Variants in NLRP11 observed in about 807,000 individuals in gnomAD.
NLRP11 encodes NACHT, LRR and PYD domains-containing protein 11.
In NLRP11, 53 loss-of-function variants were observed where a neutral mutation model predicts 79.3. That is an observed-to-expected ratio of 0.67 (90% confidence interval 0.54 to 0.84). The LOEUF (loss-of-function observed/expected upper bound fraction) is 0.84, where lower values mean the gene tolerates loss of function less well. Among genes scored for constraint, NLRP11 ranks in the 40% least tolerant of loss-of-function variants. NLRP11 has a pLI of 0.00. For synonymous variants in NLRP11, 518 were observed against 462.6 expected, an observed-to-expected ratio of 1.12 and a Z score of -1.54; for missense variants, 1,264 against 1,255.0, an observed-to-expected ratio of 1.01 and a Z score of -0.11.
Position 55,792,292 on chromosome 19 carries a change from G to T in NLRP11, c.2513+9C>A. On this transcript the variant is annotated intron_variant, in intron 7 of 9. Coordinates refer to ENST00000589093, the Ensembl canonical transcript of NLRP11. The stretch of plus-strand genomic sequence containing the variant: ...ACACAGTCATCCAGGACAACTGTGG[G>T]AGACTTACTGAAGCTCCTCTAACTG... 6.2e-7 allele frequency: 1 copy of T among 1,612,286 alleles called. No homozygotes were observed. Among genetic ancestry groups the T allele is most frequent in the Non-Finnish European group, 8.5e-7 (1 of 1,178,514 alleles).
chr19:55,814,652 A>G (rs1980911874), intron 2 of NLRP11, among the ~76,000 whole-genome samples: 1 of 152,250 alleles, frequency 6.6e-6, no homozygotes, highest in Admixed American at 6.5e-5. Flanking sequence ...ATGTCAAGGT[A>G]CTTAAAGTGT....
chr19:55,835,773 A>G (rs373306457), upstream of NLRP11, among the ~76,000 whole-genome samples: 6 of 149,538 alleles, frequency 4.0e-5, no homozygotes, highest in African/African-American at 1.2e-4. Context: ...ACTTGAGGTC[A>G]AGGGTTCGAG....
intron 1 of NLRP11, among the ~76,000 whole-genome samples, chr19:55,829,796 A>C (rs1033911563): frequency 2.0e-5 from 3 of 152,196 alleles, no homozygotes; most frequent in Non-Finnish European, 4.4e-5. Flanking sequence ...AGGGAAATAC[A>C]GTTGACTCCT....
upstream of NLRP11, chr19:55,836,405 C>A (rs1035973687): frequency 6.6e-6 from 1 of 152,100 alleles, no homozygotes; most frequent in African/African-American, 2.4e-5. Context: ...CCTCAAGGGG[C>A]GGTGGGCGTT....
At chr19:55,791,640 A>G (rs753165643) in intron 7 of NLRP11, among the ~76,000 whole-genome samples, 2 of 152,262 alleles carry the variant, frequency 1.3e-5, no homozygotes, top group African/African-American at 4.8e-5. Context: ...GAGAGTTCAA[A>G]TTAAACAACT....
At chr19:55,801,350 A>G (rs536858694) in intron 5 of NLRP11, among the ~76,000 whole-genome samples, 1 of 152,328 alleles carries the variant, frequency 6.6e-6, no homozygotes, top group South Asian at 2.1e-4. Flanking sequence ...AATATCAGTC[A>G]AGGGAGGGAG....
At chr19:55,822,856 A>G (rs544241522) in intron 1 of NLRP11, among the ~76,000 whole-genome samples, 7 of 152,326 alleles carry the variant, frequency 4.6e-5, no homozygotes, top group African/African-American at 1.2e-4. Context: ...GCCATTGCCC[A>G]GGCTTGATTA....
At chr19:55,786,813 A>AC (rs1989907598) in intron 9 of NLRP11, among the ~76,000 whole-genome samples, 1 of 152,220 alleles carries the variant, frequency 6.6e-6, no homozygotes, top group South Asian at 2.1e-4. Flanking sequence ...AATACATTAT[A>AC]CATTTGAAGG....
At chr19:55,835,740 T>C (rs1983199154), upstream of NLRP11, among the ~76,000 whole-genome samples, 1 of 147,108 alleles carries the variant, frequency 6.8e-6, no homozygotes, top group African/African-American at 2.6e-5. Flanking sequence ...TCCGGCACTT[T>C]GGGAGGCCGA....
chr19:55,798,424 C>G, intron 5 of NLRP11: 1 of 667,128 alleles, frequency 1.5e-6, no homozygotes, highest in Non-Finnish European at 1.9e-6. Flanking sequence ...AAACCAAATA[C>G]CACATGTTCT....
At chr19:55,799,436 A>G (rs1361024536) in intron 5 of NLRP11, among the ~76,000 whole-genome samples, 2 of 152,230 alleles carry the variant, frequency 1.3e-5, no homozygotes, top group African/African-American at 2.4e-5. Flanking sequence ...ACTTGGAAAT[A>G]TCCCAAAGAT....
intron 8 of NLRP11, 117 bp from the exon 9 acceptor site, chr19:55,789,094 C>A: frequency 7.2e-7 from 1 of 1,398,280 alleles, no homozygotes; most frequent in Non-Finnish European, 9.9e-7. Context: ...AAAGAACTGA[C>A]TGTGCAATAA....
intron 5 of NLRP11, among the ~76,000 whole-genome samples, chr19:55,797,577 T>C (rs1261647716): frequency 6.6e-6 from 1 of 152,196 alleles, no homozygotes; most frequent in African/African-American, 2.4e-5. Context: ...ATCAGTTCTT[T>C]ATAGAAAGTA....
chr19:55,794,477 A>C (rs1978603540), intron 6 of NLRP11, among the ~76,000 whole-genome samples: 1 of 152,186 alleles, frequency 6.6e-6, no homozygotes, highest in Admixed American at 6.5e-5. Flanking sequence ...TTTTAAAGAC[A>C]TGGCTGGACA....
chr19:55,823,172 G>C (rs1018033727), intron 1 of NLRP11, among the ~76,000 whole-genome samples: 2 of 146,196 alleles, frequency 1.4e-5, no homozygotes, highest in East Asian at 2.1e-4. Flanking sequence ...TCACACGGCA[G>C]GGTATTCCAA....
intron 1 of NLRP11, among the ~76,000 whole-genome samples, chr19:55,829,902 C>A (rs1023943392): frequency 6.6e-6 from 1 of 152,106 alleles, no homozygotes; most frequent in African/African-American, 2.4e-5. Flanking sequence ...GACCAGAAGC[C>A]TTATCAACAG....
intron 2 of NLRP11, among the ~76,000 whole-genome samples, chr19:55,817,408 T>C (rs924512876): frequency 6.6e-6 from 1 of 152,032 alleles, no homozygotes; most frequent in East Asian, 1.9e-4. Flanking sequence ...TGCAAAAATA[T>C]GGAACCAGCC....
chr19:55,797,464 G>C (rs999481747), intron 5 of NLRP11, among the ~76,000 whole-genome samples: 1 of 152,142 alleles, frequency 6.6e-6, no homozygotes, highest in African/African-American at 2.4e-5. Flanking sequence ...TTATTTTCAG[G>C]CATTGTATGA....
intron 2 of NLRP11, among the ~76,000 whole-genome samples, chr19:55,813,651 A>T (rs907000192): frequency 6.6e-6 from 1 of 152,208 alleles, no homozygotes; most frequent in Non-Finnish European, 1.5e-5. Context: ...GCAGGTGAGC[A>T]TGTACCTCAT....
Sources: gnomAD v4.1 joint callset for allele counts (sites outside exome capture counted in the v4.1 genomes callset) on GRCh38, gnomAD v4.1.1 for gene constraint, MANE v1.5 for transcripts, NCBI Gene and HGNC (gene_info 2026-07-23, HGNC 2026-07-21) for gene names.